AFF2: variants seen among roughly 807,000 people sequenced by gnomAD.
AFF2 encodes the protein AF4/FMR2 family member 2.
In AFF2, 14 loss-of-function variants were observed where a neutral mutation model predicts 76.9. The ratio of observed to expected loss-of-function variants is 0.18; its 90% CI spans 0.12 to 0.28. The LOEUF (loss-of-function observed/expected upper bound fraction) is 0.28, where lower values mean the gene tolerates loss of function less well. AFF2 is among the 10% of genes least tolerant of loss of function. The pLI, the probability that AFF2 is intolerant of heterozygous loss-of-function variation, is 1.00. For missense variants in AFF2, 868 were observed against 1,001.1 expected, an observed-to-expected ratio of 0.87 and a Z score of 1.79; for synonymous variants, 398 against 366.7, an observed-to-expected ratio of 1.09 and a Z score of -0.98.
At position 148,978,380 on chromosome X, in the gene AFF2, C is replaced by A. The variant is rs1557290533; in HGVS notation, c.3495C>A (p.Leu1165=). The A allele has an allele frequency of 1.7e-6, 2 of 1,203,325 alleles. No individual in the cohort carries two copies. Among genetic ancestry groups the A allele is most frequent in the South Asian group, 3.5e-5 (2 of 56,741 alleles). ...LAVLCYRCLS[L]LYLRMFKLKK... ...ACCACAGCTACCGATGTTTATCACT[C>A]CTCTATTTGAGAATGTTTAAGCTGA... Residue 1165 remains leucine, a synonymous_variant, in exon 18 of 21, where the codon CTC becomes CTA. Transcript: ENST00000370460.
At chrX:148,685,302 T>C (rs1292154169) in intron 3 of AFF2, among the ~76,000 whole-genome samples, 3 of 111,998 alleles carry the variant, frequency 2.7e-5, no homozygotes, top group African/African-American at 9.7e-5. Context: ...AATAATTAAC[T>C]TTCCACATTG....
At chrX:148,701,617 G>T (rs1260586853) in intron 3 of AFF2, among the ~76,000 whole-genome samples, 1 of 112,219 alleles carries the variant, frequency 8.9e-6, no homozygotes, top group African/African-American at 3.2e-5. Context: ...CTACAGAATA[G>T]CACTATTTTC....
intron 1 of AFF2, among the ~76,000 whole-genome samples, chrX:148,524,062 GT>G (rs2052629194): frequency 9.4e-6 from 1 of 106,155 alleles, no homozygotes; most frequent in Non-Finnish European, 1.9e-5. Context: ...CGGTACTGAT[GT>G]ACAGCTTTGG....
chrX:148,716,165 A>G (rs2055023277), intron 3 of AFF2, among the ~76,000 whole-genome samples: 1 of 111,803 alleles, frequency 8.9e-6, no homozygotes, highest in African/African-American at 3.3e-5. Flanking sequence ...TGTCATAGTA[A>G]TCTACTGGCT....
Position 148,992,440 on chromosome X carries a change from T to C in AFF2, c.*1108T>C, listed in dbSNP as rs949015181. The C allele has an allele frequency of 8.9e-6, 1 of 111,856 alleles. No homozygotes were observed. Among genetic ancestry groups the C allele is most frequent in the Non-Finnish European group, 1.9e-5 (1 of 53,139 alleles). 9.2% of individuals were successfully genotyped at this position (111,856 alleles called of 1,213,427 possible). A position where few individuals can be genotyped will look rare whatever the true frequency, so the allele number is the denominator to read the frequency against. On this transcript the variant is annotated 3_prime_UTR_variant, in exon 21 of 21. Coordinates refer to ENST00000370460, the MANE Select transcript of AFF2 (RefSeq NM_002025.4). ...TTATTCACATTTTCTCTCTTATAGG[T>C]TTTCTGTTTTCTACTTTCTTTTTTC...
At chrX:148,910,359 G>A (rs782751485) in intron 9 of AFF2, among the ~76,000 whole-genome samples, 1 of 112,526 alleles carries the variant, frequency 8.9e-6, no homozygotes, top group East Asian at 2.8e-4. Context: ...TCTGGGAACT[G>A]TGATAGGTGC....
At chrX:148,975,261 A>G (rs1557290080) in intron 16 of AFF2, among the ~76,000 whole-genome samples, 1 of 112,125 alleles carries the variant, frequency 8.9e-6, no homozygotes, top group African/African-American at 3.2e-5. Context: ...GAAGAAAACA[A>G]TTGTAAAGAC....
At chrX:148,754,261 AC>A (rs782448742) in intron 3 of AFF2, among the ~76,000 whole-genome samples, 42 of 112,063 alleles carry the variant, frequency 3.7e-4, no homozygotes, top group African/African-American at 1.3e-3. Context: ...TTTTATCTCT[AC>A]TAATCTAATA....
chrX:148,504,219 C>T (rs1465384753), intron 1 of AFF2, among the ~76,000 whole-genome samples: 2 of 110,616 alleles, frequency 1.8e-5, no homozygotes, highest in African/African-American at 3.3e-5. Flanking sequence ...GCACCTCCCA[C>T]CCAGTATTGA....
At chrX:148,616,044 A>G (rs1603258975) in intron 1 of AFF2, among the ~76,000 whole-genome samples, 1 of 112,030 alleles carries the variant, frequency 8.9e-6, no homozygotes, top group Non-Finnish European at 1.9e-5. Context: ...TCTACTCTTT[A>G]TATGTTAACT....
At chrX:148,682,211 G>A (rs1355229520) in intron 3 of AFF2, among the ~76,000 whole-genome samples, 1 of 111,801 alleles carries the variant, frequency 8.9e-6, no homozygotes, top group Non-Finnish European at 1.9e-5. Context: ...GAAAACTAAT[G>A]GAATAAACAC....
chrX:148,792,097 G>T (rs2069902987), intron 3 of AFF2, among the ~76,000 whole-genome samples: 1 of 111,149 alleles, frequency 9.0e-6, no homozygotes, highest in Admixed American at 9.6e-5. Context: ...ACATGGTTTT[G>T]TTTCTTGGCT....
At chrX:148,741,354 A>G (rs1482732148) in intron 3 of AFF2, among the ~76,000 whole-genome samples, 1 of 109,944 alleles carries the variant, frequency 9.1e-6, no homozygotes, top group African/African-American at 3.3e-5. Context: ...AAGTCACTGG[A>G]GTTATGTACC....
intron 3 of AFF2, among the ~76,000 whole-genome samples, chrX:148,695,486 T>C (rs1421750857): frequency 3.6e-5 from 4 of 112,452 alleles, no homozygotes; most frequent in Admixed American, 9.4e-5. Context: ...CTTTACACTG[T>C]CATGGTTGAT....
At chrX:148,937,815 T>C (rs2071790675) in intron 9 of AFF2, among the ~76,000 whole-genome samples, 1 of 112,425 alleles carries the variant, frequency 8.9e-6, no homozygotes, top group African/African-American at 3.2e-5. Flanking sequence ...GATTTAGTTA[T>C]GTCTTTCATA....
chrX:148,795,076 A>G (rs2069949904), intron 3 of AFF2, among the ~76,000 whole-genome samples: 1 of 112,387 alleles, frequency 8.9e-6, no homozygotes, highest in Non-Finnish European at 1.9e-5. Flanking sequence ...GAGGGGGATA[A>G]CAGATGGAGA....
intron 7 of AFF2, among the ~76,000 whole-genome samples, chrX:148,872,383 T>C (rs949620866): frequency 1.1e-4 from 12 of 111,938 alleles, no homozygotes; most frequent in African/African-American, 3.9e-4. Context: ...ATATGTGGCC[T>C]TTGGTGACTG....
rs376114319 is a variant in AFF2, at chrX:148,956,402, C to G, written c.2357C>G (p.Thr786Ser). 5 of 1,209,521 alleles carry G rather than the reference C, an allele frequency of 4.1e-6. No individual in the cohort carries two copies. The highest frequency in any genetic ancestry group is 5.6e-6 in the Non-Finnish European group (5 of 894,921). Residue 786 changes from threonine to serine, a missense_variant, in exon 11 of 21, where the codon ACT becomes AGT. Physicochemically the swap from Thr to Ser is moderately conservative, Grantham distance 58. This residue lies in a region of AFF2 where 532 missense variants were observed against 564.2 expected (regional missense o/e 0.94). Transcript: ENST00000370460. ...PTFSPIPVMQ[T>S]EILSPLRDHE... ...TTTTCACCTATTCCTGTCATGCAAA[C>G]TGAAATCCTGTCCCCTCTGCGAGAT...
At chrX:148,727,614 G>GAA (rs782281604) in intron 3 of AFF2, among the ~76,000 whole-genome samples, 3 of 104,807 alleles carry the variant, frequency 2.9e-5, no homozygotes. Context: ...CTTTAAAAGT[G>GAA]AAAAAAAAAA....
Sources: allele counts gnomAD v4.1 joint callset (sites outside exome capture counted in the v4.1 genomes callset), GRCh38; gene constraint gnomAD v4.1.1; regional missense constraint gnomAD v4.1.1; transcripts MANE v1.5; gene names NCBI Gene and HGNC (gene_info 2026-07-23, HGNC 2026-07-21).